The following DNAJC2 variants were observed in gnomAD, a reference collection of about 807,000 sequenced individuals.
DNAJC2 encodes DnaJ heat shock protein family (Hsp40) member C2.
Under a neutral mutation model 94.0 loss-of-function variants are expected in DNAJC2, and 32 were observed. The ratio of observed to expected loss-of-function variants is 0.34; its 90% confidence interval spans 0.26 to 0.46. DNAJC2 has a LOEUF of 0.46. DNAJC2 is among the 20% of genes least tolerant of loss of function. DNAJC2 has a pLI of 1.00. For missense variants in DNAJC2, 550 were observed against 719.5 expected (o/e 0.76, Z 2.69); for synonymous variants, 210 against 229.7 (o/e 0.91, Z 0.77).
chr7:103,344,282 T>G, intron 1 of DNAJC2: 1 of 515,690 alleles, frequency 1.9e-6, no homozygotes, highest in East Asian at 3.2e-5. Flanking sequence ...TGCTGGGGGG[T>G]TCCGTCCCGA....
intron 3 of DNAJC2, chr7:103,328,988 G>A: frequency 7.8e-7 from 1 of 1,278,474 alleles, no homozygotes; most frequent in Admixed American, 2.4e-5. Context: ...TTTTCCAAAA[G>A]GCAAACTATT....
intron 12 of DNAJC2, among the ~76,000 whole-genome samples, 186 bp downstream of exon 12, chr7:103,319,423 C>G (rs1288968383): frequency 6.6e-6 from 1 of 152,100 alleles, no homozygotes; most frequent in Non-Finnish European, 1.5e-5. Context: ...GGCAACAGAG[C>G]AAGACTCTGT....
Position 103,319,813 on chromosome 7 carries a change from T to G in DNAJC2, c.1115A>C (p.Glu372Ala), listed in dbSNP as rs1315927378. 6.2e-7 allele frequency: 1 copy of G among 1,614,064 alleles called. No individual in the cohort carries two copies. The highest frequency in any genetic ancestry group is 8.5e-7 in the Non-Finnish European group (1 of 1,180,038). The change falls in exon 11 of 17, where the codon GAG (glutamate) becomes GCG (alanine). Residue 372 changes from glutamate (E) to alanine (A), a missense_variant. By Grantham distance (107) the Glu-to-Ala change is moderately radical. Around this residue, in one of 2 missense-constraint regions of DNAJC2, gnomAD observed 271 missense variants for 302.6 expected, o/e 0.90. Transcript: ENST00000379263. ...CACTTCTTCCATCATTTTAACCCGCTCTGCCTCATTATCAGAAAAATGATT... is the reference window on the plus strand; with the variant it reads ...CACTTCTTCCATCATTTTAACCCGCGCTGCCTCATTATCAGAAAAATGATT... ...TWNHFSDNEA[E>A]RVKMMEEVEK... is the part of the protein sequence containing the mutation.
chr7:103,340,819 T>C (rs796819535), intron 2 of DNAJC2, among the ~76,000 whole-genome samples: 14 of 152,336 alleles, frequency 9.2e-5, no homozygotes, highest in African/African-American at 3.4e-4. Flanking sequence ...CTGTAACCTC[T>C]TTTTGGAGTC....
At chr7:103,313,275 A>C in intron 15 of DNAJC2, 174 bp from the exon 16 acceptor site, 2 of 1,341,636 alleles carry the variant, frequency 1.5e-6, no homozygotes, top group South Asian at 4.3e-5. Context: ...AAGAGAAAAA[A>C]TTTCAGATAG....
intron 13 of DNAJC2, chr7:103,316,393 A>G (rs1477462677): frequency 4.3e-6 from 1 of 233,430 alleles, no homozygotes; most frequent in Non-Finnish European, 8.2e-6. Context: ...TCTTCAGAAG[A>G]TCAATCATTC....
chr7:103,328,837 G>A, intron 3 of DNAJC2: 3 of 317,072 alleles, frequency 9.5e-6, no homozygotes, highest in Admixed American at 4.9e-5. Flanking sequence ...TTGGACATTT[G>A]TGCCATTTCC....
At chr7:103,332,007 AT>A (rs56703501) in intron 3 of DNAJC2, among the ~76,000 whole-genome samples, 103,176 of 134,036 alleles carry the variant, frequency 0.77, 40,295 homozygotes, top group Middle Eastern at 0.88. Context: ...TAAATTTGCT[AT>A]TTTTTTTTTT....
At chr7:103,331,376 G>C (rs1169149291) in intron 3 of DNAJC2, among the ~76,000 whole-genome samples, 1 of 152,160 alleles carries the variant, frequency 6.6e-6, no homozygotes, top group African/African-American at 2.4e-5. Flanking sequence ...TTCAAGTTCT[G>C]TCTTCTAGCT....
chr7:103,323,547 T>TACCAGAGA, intron 7 of DNAJC2, 51 bp downstream of exon 7: 3 of 1,397,700 alleles, frequency 2.1e-6, no homozygotes, highest in Non-Finnish European at 2.8e-6. Context: ...TCATCACAAA[T>TACCAGAGA]ACCAGAGAAC....
chr7:103,325,764 A>C (rs769995537), intron 5 of DNAJC2, among the ~76,000 whole-genome samples: 20 of 152,252 alleles, frequency 1.3e-4, no homozygotes, highest in Non-Finnish European at 2.6e-4. Context: ...TTTAAAACAA[A>C]CTTTAATGAA....
At chr7:103,320,725 C>CA (rs1219355123) in intron 10 of DNAJC2, 1 of 141,768 alleles carries the variant, frequency 7.1e-6, no homozygotes, top group African/African-American at 2.6e-5. Flanking sequence ...GCCTGGGCGA[C>CA]AGAGCAAGAC....
chr7:103,337,647 A>G, intron 3 of DNAJC2, 89 bp downstream of exon 3: 1 of 1,048,972 alleles, frequency 9.5e-7, no homozygotes, highest in Non-Finnish European at 1.4e-6. Flanking sequence ...TTATGGCTGC[A>G]GACTATGATA....
chr7:103,333,498 T>C (rs933532518), intron 3 of DNAJC2, among the ~76,000 whole-genome samples: 1 of 152,238 alleles, frequency 6.6e-6, no homozygotes, highest in African/African-American at 2.4e-5. Flanking sequence ...ATCTGTCTGA[T>C]TCAGCGGAGA....
At chr7:103,312,752 A>T in intron 16 of DNAJC2, 109 bp from the exon 17 acceptor site, 1 of 1,530,292 alleles carries the variant, frequency 6.5e-7, no homozygotes, top group East Asian at 2.3e-5. Flanking sequence ...AGTACTAAAT[A>T]TACTGATTTC....
chr7:103,324,631 A>C, intron 5 of DNAJC2, 69 bp from the exon 6 acceptor site: 1 of 1,241,594 alleles, frequency 8.1e-7, no homozygotes, highest in Non-Finnish European at 1.1e-6. Context: ...CAAACAATTT[A>C]ATTTATTAAA....
chr7:103,338,341 G>C (rs1468631181), intron 2 of DNAJC2, among the ~76,000 whole-genome samples: 1 of 150,270 alleles, frequency 6.7e-6, no homozygotes, highest in Admixed American at 6.6e-5. Context: ...CTGTTGCCCA[G>C]GCTGGAGTGC....
At position 103,329,120 on chromosome 7, in the gene DNAJC2, AAGG is replaced by A. The variant is rs1302765667; in HGVS notation, c.332-1369_332-1367del. Reference sequence around the variant, plus strand: ...TTGTTTTTCATCCTTTAACTGGAAAAAGGAGGGGCTGTCTCAGTTTTTCTTCTG... The same window carrying A: ...TTGTTTTTCATCCTTTAACTGGAAAAAGGGGCTGTCTCAGTTTTTCTTCTG... On this transcript the variant is annotated intron_variant, in intron 3 of 16. Transcript: ENST00000379263. The A allele has an allele frequency of 4.3e-5, 19 of 442,352 alleles. No homozygotes were observed. In the Admixed American group the frequency reaches 6.6e-4, roughly 15 times the overall value. The allele number at this position is 442,352 out of a possible 1,614,324, so 27.4% of individuals were successfully genotyped here.
intron 15 of DNAJC2, chr7:103,314,195 T>C (rs1586059239): frequency 4.1e-6 from 4 of 985,386 alleles, no homozygotes; most frequent in African/African-American, 1.7e-5. Flanking sequence ...CTAAATACCA[T>C]AGATTTTATT....
Sources: gnomAD v4.1 joint callset for allele counts (sites outside exome capture counted in the v4.1 genomes callset) on GRCh38, gnomAD v4.1.1 for gene constraint, gnomAD v4.1.1 regional missense constraint, MANE v1.5 for transcripts, NCBI Gene and HGNC (gene_info 2026-07-23, HGNC 2026-07-21) for gene names.